The following CRYL1 variants were observed in gnomAD, a reference collection of about 807,000 sequenced individuals.
CRYL1 encodes the protein crystallin lambda 1, also known as lambda-crystallin homolog.
Under a neutral mutation model 36.6 loss-of-function variants are expected in CRYL1, and 29 were observed. That is an observed-to-expected ratio of 0.79 (90% CI 0.59 to 1.08). CRYL1 has a LOEUF of 1.08. Ranked by LOEUF, CRYL1 falls within the 50% of genes least tolerant of loss-of-function variation. The probability of loss-of-function intolerance (pLI) is 0.00; values close to 1 mark genes in which losing one functional copy is unlikely to be tolerated. For synonymous variants in CRYL1, 152 were observed against 151.5 expected (o/e 1.00, Z -0.02); for missense variants, 411 against 407.9 (o/e 1.01, Z -0.06).
At chr13:20,492,974 A>G (rs1454993342) in intron 2 of CRYL1, among the ~76,000 whole-genome samples, 3 of 152,136 alleles carry the variant, frequency 2.0e-5, no homozygotes, top group African/African-American at 4.8e-5. Flanking sequence ...CTCAGAGTCA[A>G]TGCCCCCACC....
chr13:20,449,767 A>T (rs2137415793), intron 3 of CRYL1, among the ~76,000 whole-genome samples: 1 of 152,350 alleles, frequency 6.6e-6, no homozygotes, highest in African/African-American at 2.4e-5. Flanking sequence ...AAATCAATGT[A>T]CAAAAATCAG....
At chr13:20,416,828 G>C (rs141589172) in intron 5 of CRYL1, among the ~76,000 whole-genome samples, 1 of 152,088 alleles carries the variant, frequency 6.6e-6, no homozygotes. Flanking sequence ...GCCTGAGAAG[G>C]GTTCTCCATG....
intron 5 of CRYL1, among the ~76,000 whole-genome samples, chr13:20,430,020 T>TCC (rs1388927524): frequency 2.6e-5 from 4 of 151,692 alleles, no homozygotes; most frequent in African/African-American, 9.7e-5. Context: ...TCCTCCATGC[T>TCC]CCCTCTCTGC....
At chr13:20,410,346 A>G (rs1171992981) in intron 6 of CRYL1, among the ~76,000 whole-genome samples, 1 of 143,944 alleles carries the variant, frequency 6.9e-6, no homozygotes, top group Non-Finnish European at 1.5e-5. Context: ...GAACACATGA[A>G]CACAGGAAGG....
chr13:20,434,334 A>G (rs923831884), intron 4 of CRYL1, among the ~76,000 whole-genome samples: 1 of 151,922 alleles, frequency 6.6e-6, no homozygotes, highest in Non-Finnish European at 1.5e-5. Flanking sequence ...AAATACACCA[A>G]TCAGCACTCT....
intron 3 of CRYL1, among the ~76,000 whole-genome samples, chr13:20,462,818 G>A (rs891422408): frequency 4.0e-5 from 6 of 151,860 alleles, no homozygotes; most frequent in South Asian, 2.1e-4. Flanking sequence ...TTAGCCAAAC[G>A]TGCCTAAATT....
At chr13:20,514,458 C>T (rs1384189141) in intron 1 of CRYL1, among the ~76,000 whole-genome samples, 2 of 152,164 alleles carry the variant, frequency 1.3e-5, no homozygotes, top group Middle Eastern at 3.2e-3. Flanking sequence ...CTCCTCAAAA[C>T]TGTTAGGGTC....
chr13:20,414,283 G>A (rs190917395), intron 5 of CRYL1, among the ~76,000 whole-genome samples: 125 of 151,282 alleles, frequency 8.3e-4, no homozygotes, highest in Middle Eastern at 3.4e-3. Context: ...GTGTGAAATG[G>A]TCAAACACAA....
At chr13:20,446,066 T>A (rs1198940239) in intron 3 of CRYL1, among the ~76,000 whole-genome samples, 1 of 152,240 alleles carries the variant, frequency 6.6e-6, no homozygotes, top group Non-Finnish European at 1.5e-5. Context: ...CTTTACTTAT[T>A]TTAAAACCCA....
intron 6 of CRYL1, among the ~76,000 whole-genome samples, chr13:20,407,815 G>C (rs569863120): frequency 6.6e-6 from 1 of 152,178 alleles, no homozygotes; most frequent in South Asian, 2.1e-4. Flanking sequence ...TCTAACTTGC[G>C]AGCCTTGGGC....
intron 3 of CRYL1, among the ~76,000 whole-genome samples, chr13:20,443,639 C>A (rs2032394670): frequency 6.6e-6 from 1 of 152,082 alleles, no homozygotes; most frequent in Non-Finnish European, 1.5e-5. Flanking sequence ...GTGATCTGCC[C>A]ACCTCAGCCT....
At chr13:20,494,030 C>T (rs187119435) in intron 2 of CRYL1, among the ~76,000 whole-genome samples, 32 of 152,330 alleles carry the variant, frequency 2.1e-4, no homozygotes, top group Non-Finnish European at 4.3e-4. Context: ...AAGGGCCTAG[C>T]GCAGACTTTG....
chr13:20,482,162 T>A (rs7986974), intron 3 of CRYL1, among the ~76,000 whole-genome samples: 2 of 151,964 alleles, frequency 1.3e-5, no homozygotes, highest in Non-Finnish European at 2.9e-5. Flanking sequence ...TGACAGTGTC[T>A]GAAGGTCCTT....
intron 5 of CRYL1, among the ~76,000 whole-genome samples, chr13:20,419,927 C>T (rs928115604): frequency 8.5e-5 from 13 of 152,242 alleles, no homozygotes; most frequent in Admixed American, 7.9e-4. Flanking sequence ...TTCCCACCCA[C>T]GCCACCTTCC....
chr13:20,490,735 G>A (rs2033494542), intron 2 of CRYL1, among the ~76,000 whole-genome samples: 1 of 152,150 alleles, frequency 6.6e-6, no homozygotes, highest in South Asian at 2.1e-4. Context: ...TGGAAGGATT[G>A]AAAGAAGGTA....
chr13:20,514,750 G>A (rs1041829578), intron 1 of CRYL1, among the ~76,000 whole-genome samples: 1 of 152,034 alleles, frequency 6.6e-6, no homozygotes, highest in Non-Finnish European at 1.5e-5. Context: ...AATAATAGGG[G>A]AAATTTGGTG....
intron 2 of CRYL1, among the ~76,000 whole-genome samples, chr13:20,490,979 C>T (rs1213447855): frequency 2.0e-5 from 3 of 152,184 alleles, no homozygotes; most frequent in Admixed American, 6.5e-5. Flanking sequence ...AATCATGACT[C>T]GCCATAGCCT....
chr13:20,432,504 A>T (rs2032092907), intron 4 of CRYL1, among the ~76,000 whole-genome samples: 1 of 151,306 alleles, frequency 6.6e-6, no homozygotes, highest in Non-Finnish European at 1.5e-5. Context: ...GGTTTTGTTT[A>T]AAAAAAAATA....
At chr13:20,517,543 T>C (rs1356486655) in intron 1 of CRYL1, among the ~76,000 whole-genome samples, 1 of 148,780 alleles carries the variant, frequency 6.7e-6, no homozygotes, top group Non-Finnish European at 1.5e-5. Context: ...TGCAGTGAGC[T>C]GAGATCGCAC....
Sources: allele counts gnomAD v4.1 joint callset (sites outside exome capture counted in the v4.1 genomes callset), GRCh38; gene constraint gnomAD v4.1.1; transcripts MANE v1.5; gene names NCBI Gene and HGNC (gene_info 2026-07-23, HGNC 2026-07-21).